ASXL3: variants seen among roughly 807,000 people sequenced by gnomAD.
ASXL3 encodes putative Polycomb group protein ASXL3.
A neutral mutation model predicts 170.6 loss-of-function variants in ASXL3; 34 were observed. That is an observed-to-expected ratio of 0.20 (90% CI 0.15 to 0.27). The LOEUF is 0.27. ASXL3 is among the 10% of genes least tolerant of loss of function. ASXL3 has a pLI of 1.00. For missense variants in ASXL3, 2,592 were observed against 2,695.3 expected, an observed-to-expected ratio of 0.96 and a Z score of 0.85; for synonymous variants, 1,002 against 989.1, an observed-to-expected ratio of 1.01 and a Z score of -0.24.
intron 1 of ASXL3, among the ~76,000 whole-genome samples, chr18:33,584,304 CG>C (rs572828811): frequency 6.3e-4 from 95 of 151,962 alleles, no homozygotes; most frequent in African/African-American, 2.3e-3. Context: ...AATGTAATTG[CG>C]ATCAGATTGG....
chr18:33,679,900 A>G (rs960236825), intron 7 of ASXL3, among the ~76,000 whole-genome samples: 5 of 151,984 alleles, frequency 3.3e-5, no homozygotes, highest in African/African-American at 1.2e-4. Context: ...TGTTTATACC[A>G]TCTCAGGCCA....
chr18:33,682,510 C>G (rs1262259185), intron 7 of ASXL3, among the ~76,000 whole-genome samples: 1 of 152,116 alleles, frequency 6.6e-6, no homozygotes, highest in Non-Finnish European at 1.5e-5. Flanking sequence ...AATCATCCTG[C>G]AGAGCATATT....
chr18:33,588,156 A>T (rs1265333896), intron 1 of ASXL3, among the ~76,000 whole-genome samples: 2 of 152,124 alleles, frequency 1.3e-5, no homozygotes, highest in Non-Finnish European at 2.9e-5. Context: ...TCTATGAATT[A>T]TTTGAAGTAT....
intron 7 of ASXL3, among the ~76,000 whole-genome samples, chr18:33,676,281 G>A (rs149649112): frequency 7.2e-6 from 1 of 139,570 alleles, no homozygotes; most frequent in African/African-American, 2.7e-5. Context: ...TGGTAACCTC[G>A]ACGTTCTCCT....
At chr18:33,580,933 C>T (rs537313414) in intron 1 of ASXL3, among the ~76,000 whole-genome samples, 1 of 152,030 alleles carries the variant, frequency 6.6e-6, no homozygotes, top group Non-Finnish European at 1.5e-5. Context: ...TGCAAGGAAT[C>T]GTACTGGAAA....
rs191763049 is a variant in ASXL3, at chr18:33,741,853, G to T, written c.3040-1035G>T. Among the ~76,000 whole-genome samples the T allele has an allele frequency of 2.4e-3, 368 of 151,072 alleles. 3 individuals are homozygous for T. The highest frequency in any genetic ancestry group is 0.024 in the Middle Eastern group (7 of 294). On this transcript the variant is annotated intron_variant, in intron 11 of 11. Coordinates refer to ENST00000269197, the MANE Select transcript of ASXL3 (RefSeq NM_030632.3). ...TCAGTTTCCTCAACTGTGAAATGAG[G>T]GATGTCAACTAGAGTCTTTCCAGCT...
chr18:33,738,926 G>A lies in ASXL3; in HGVS notation c.1522G>A (p.Val508Ile). ...GGAATCCTGTGTTATGATGAATGAT[G>A]TTTTAGAAACTTTGCCTCATATTGA... The part of the protein sequence containing the change: ...NLESCVMMND[V>I]LETLPHIEVK... Residue 508 changes from valine (V) to isoleucine (I), a missense_variant, in exon 11 of 12, where the codon GTT becomes ATT. Val to Ile is a conservative substitution (Grantham distance 29). This residue lies in a region of ASXL3 where 2,246 missense variants were observed against 2,219.6 expected (regional missense o/e 1.01). Transcript: ENST00000269197. The A allele has an allele frequency of 3.1e-6, 5 of 1,613,524 alleles. No homozygotes were observed. The highest frequency in any genetic ancestry group is 4.2e-6 in the Non-Finnish European group (5 of 1,179,690).
intron 2 of ASXL3, chr18:33,608,910 G>A (rs2065291171): frequency 5.8e-6 from 2 of 344,908 alleles, no homozygotes; most frequent in South Asian, 1.2e-4. Flanking sequence ...TAGGTCCATG[G>A]ACATCACAAT....
At chr18:33,732,489 T>C (rs73955195) in intron 9 of ASXL3, among the ~76,000 whole-genome samples, 9,238 of 152,184 alleles carry the variant, frequency 0.061, 396 homozygotes, top group African/African-American at 0.12. Flanking sequence ...CTACTGTATT[T>C]TTCCTCTTTA....
Position 33,739,462 on chromosome 18 carries a change from A to C in ASXL3, c.2058A>C (p.Ser686=). The C allele has an allele frequency of 6.2e-7, 1 of 1,613,944 alleles. No homozygotes were observed. The highest frequency in any genetic ancestry group is 1.1e-5 in the South Asian group (1 of 91,074). ...LMSEISPIST[S]PEISEASLMS... ...CAGAAATATCTCCAATATCCACTTC[A>C]CCTGAAATATCAGAAGCATCTCTTA... is the stretch of plus-strand genomic sequence containing the variant. The change falls in exon 11 of 12, where the codon TCA becomes TCC. Residue 686 remains serine, a synonymous_variant. Coordinates refer to ENST00000269197, the MANE Select transcript of ASXL3 (RefSeq NM_030632.3).
chr18:33,633,112 T>G (rs2065705206), intron 2 of ASXL3, among the ~76,000 whole-genome samples: 1 of 152,024 alleles, frequency 6.6e-6, no homozygotes, highest in Admixed American at 6.6e-5. Context: ...ACCCCTGGAG[T>G]GAATTAGCAA....
intron 2 of ASXL3, among the ~76,000 whole-genome samples, chr18:33,624,008 AC>A (rs2065560214): frequency 6.6e-6 from 1 of 152,120 alleles, no homozygotes; most frequent in Admixed American, 6.6e-5. Flanking sequence ...AATAAAAAAA[AC>A]CAGCCAGGTG....
intron 8 of ASXL3, among the ~76,000 whole-genome samples, chr18:33,731,431 C>T (rs1478248090): frequency 6.6e-6 from 1 of 152,120 alleles, no homozygotes; most frequent in East Asian, 1.9e-4. Context: ...TACAGTAATG[C>T]TCATGCTCGT....
In ASXL3 at chr18:33,738,857, A is replaced by G. The variant is rs1475188821; in HGVS notation, c.1453A>G (p.Asn485Asp). ...TTCTGAGGAGGCTGAAAGTCTAACC[A>G]ATTCTCATGAAGAACCCCAAATAGC... Reference protein sequence around the residue: ...EFSEEAESLTNSHEEPQIAPP... With the variant: ...EFSEEAESLTDSHEEPQIAPP... Residue 485 changes from asparagine (N) to aspartate (D), a missense_variant, in exon 11 of 12, where the codon AAT becomes GAT. Around this residue, in one of 4 missense-constraint regions of ASXL3, gnomAD observed 2,246 missense variants for 2,219.6 expected, o/e 1.01. Transcript: ENST00000269197. 1 of 1,613,674 alleles carries G rather than the reference A, an allele frequency of 6.2e-7. No individual in the cohort carries two copies. The highest frequency in any genetic ancestry group is 1.7e-5 in the Admixed American group (1 of 59,990).
chr18:33,673,288 C>G (rs1185164359), intron 7 of ASXL3, among the ~76,000 whole-genome samples: 2 of 152,112 alleles, frequency 1.3e-5, no homozygotes, highest in African/African-American at 4.8e-5. Context: ...AGGGGCATCC[C>G]CATTTATTTC....
At position 33,654,406 on chromosome 18, in the gene ASXL3, G is replaced by A. The variant is rs771853646; in HGVS notation, c.356-7210G>A. On this transcript the variant is annotated intron_variant, in intron 4 of 11. Coordinates refer to ENST00000269197, the MANE Select transcript of ASXL3 (RefSeq NM_030632.3). The stretch of plus-strand genomic sequence containing the variant: ...CTTTTTCATTGATGCCAGATAATTC[G>A]TTCTCACTTTTCTTTAGTTATATTG... Among the ~76,000 whole-genome samples, 7 of 151,914 alleles carry A rather than the reference G, an allele frequency of 4.6e-5. No homozygotes were observed. In the South Asian group the frequency reaches 6.2e-4, roughly 14 times the overall value.
intron 2 of ASXL3, among the ~76,000 whole-genome samples, chr18:33,636,516 G>T (rs1431243932): frequency 6.6e-6 from 1 of 152,130 alleles, no homozygotes; most frequent in Non-Finnish European, 1.5e-5. Flanking sequence ...AGAGATTATA[G>T]AATTGTCTTG....
chr18:33,598,433 T>G (rs2065150873), intron 1 of ASXL3, among the ~76,000 whole-genome samples: 1 of 152,142 alleles, frequency 6.6e-6, no homozygotes. Context: ...TGTATAAAAA[T>G]GTCTATGTGA....
chr18:33,599,779 G>A (rs1335764996), intron 1 of ASXL3, among the ~76,000 whole-genome samples: 1 of 151,922 alleles, frequency 6.6e-6, no homozygotes, highest in East Asian at 1.9e-4. Context: ...CTAAATAACT[G>A]GATTAAACAA....
Sources: gnomAD v4.1 joint callset for allele counts (sites outside exome capture counted in the v4.1 genomes callset) on GRCh38, gnomAD v4.1.1 for gene constraint, gnomAD v4.1.1 regional missense constraint, MANE v1.5 for transcripts, NCBI Gene and HGNC (gene_info 2026-07-23, HGNC 2026-07-21) for gene names.